KDM5A: variants seen among roughly 807,000 people sequenced by gnomAD.
KDM5A encodes the protein lysine demethylase 5A.
In KDM5A, 42 loss-of-function variants were observed where a neutral mutation model predicts 193.5. The ratio of observed to expected loss-of-function variants is 0.22; its 90% CI spans 0.17 to 0.28. KDM5A has a LOEUF of 0.28. Ranked by LOEUF, KDM5A falls within the 10% of genes least tolerant of loss-of-function variation. The probability of loss-of-function intolerance (pLI) is 1.00; values close to 1 mark genes in which losing one functional copy is unlikely to be tolerated. For missense variants in KDM5A, 1,692 were observed against 2,055.1 expected (o/e 0.82, Z 3.42); for synonymous variants, 796 against 718.1 (o/e 1.11, Z -1.73).
intron 5 of KDM5A, among the ~76,000 whole-genome samples, chr12:360,347 T>C (rs1431262080): frequency 6.6e-6 from 1 of 150,664 alleles, no homozygotes; most frequent in African/African-American, 2.4e-5. Flanking sequence ...ATGAGACAGC[T>C]AAGGAGAGTG....
chr12:314,857 A>C (rs899501469), intron 19 of KDM5A, among the ~76,000 whole-genome samples: 5 of 152,222 alleles, frequency 3.3e-5, no homozygotes, highest in African/African-American at 1.2e-4. Context: ...TGGAACATAG[A>C]ATACAAGAGG....
intron 13 of KDM5A, chr12:329,269 C>T: frequency 1.9e-6 from 1 of 539,178 alleles, no homozygotes; most frequent in Admixed American, 3.1e-5. Context: ...CTGGCCTAAA[C>T]TGCTAATTTT....
At chr12:375,185 C>G (rs1944486865) in intron 3 of KDM5A, among the ~76,000 whole-genome samples, 1 of 152,162 alleles carries the variant, frequency 6.6e-6, no homozygotes, top group Non-Finnish European at 1.5e-5. Flanking sequence ...CAGCTTGGTT[C>G]CATTCTCCCC....
intron 10 of KDM5A, among the ~76,000 whole-genome samples, chr12:334,729 T>C (rs1489362429): frequency 6.6e-6 from 1 of 152,226 alleles, no homozygotes; most frequent in Non-Finnish European, 1.5e-5. Flanking sequence ...TAATACAACA[T>C]CACTATTTCT....
intron 24 of KDM5A, among the ~76,000 whole-genome samples, chr12:301,618 C>A (rs948742145): frequency 6.6e-6 from 1 of 152,174 alleles, no homozygotes; most frequent in Admixed American, 6.5e-5. Context: ...AAAACCAGCA[C>A]AAGACAAGGA....
At chr12:366,357 T>C (rs962786785) in intron 3 of KDM5A, among the ~76,000 whole-genome samples, 7 of 152,202 alleles carry the variant, frequency 4.6e-5, no homozygotes, top group Non-Finnish European at 1.0e-4. Flanking sequence ...ATGAATACTC[T>C]GTACAGTACG....
intron 3 of KDM5A, among the ~76,000 whole-genome samples, chr12:379,472 C>CAT (rs1944548790): frequency 2.3e-5 from 1 of 42,736 alleles, no homozygotes; most frequent in South Asian, 1.2e-3. Context: ...AACAGGTGTA[C>CAT]ACATATGAAA....
intron 10 of KDM5A, among the ~76,000 whole-genome samples, chr12:350,304 C>T (rs1439868251): frequency 2.7e-5 from 4 of 150,570 alleles, no homozygotes; most frequent in Non-Finnish European, 3.0e-5. Flanking sequence ...GGCATAATAG[C>T]GGGTGCCTGT....
intron 13 of KDM5A, among the ~76,000 whole-genome samples, chr12:329,487 G>GA (rs138880121): frequency 1.0e-4 from 14 of 136,856 alleles, no homozygotes; most frequent in East Asian, 4.1e-4. Flanking sequence ...GTTATTAGAA[G>GA]AAAAAAAAAA....
chr12:300,329 C>CA (rs1216695168), intron 24 of KDM5A, among the ~76,000 whole-genome samples: 1 of 152,104 alleles, frequency 6.6e-6, no homozygotes, highest in Non-Finnish European at 1.5e-5. Flanking sequence ...TAATAACAAA[C>CA]AGTCTCTCAG....
chr12:295,686 G>A lies in KDM5A; in HGVS notation c.4342C>T (p.Leu1448Phe), dbSNP rs777181874. 6.8e-6 allele frequency: 11 copies of A among 1,614,004 alleles called. No homozygotes were observed. The highest frequency in any genetic ancestry group is 8.5e-6 in the Non-Finnish European group (10 of 1,180,012). The change falls in exon 26 of 28, where the codon CTT (leucine) becomes TTT (phenylalanine). Residue 1448 changes from leucine to phenylalanine, a missense_variant. Leu to Phe is a conservative substitution (Grantham distance 22). This residue lies in a region of KDM5A where 965 missense variants were observed against 1,061.0 expected (regional missense o/e 0.91). Transcript: ENST00000399788. ...TCCAGGAGATCTCCAACCATCATAA[G>A]TTCTTCCAGTTGTGCCTTAGCTCCA... Reference protein sequence around the residue: ...SPGAKAQLEELMMVGDLLEVS... With the variant: ...SPGAKAQLEEFMMVGDLLEVS...
chr12:378,692 C>T (rs1444480257), intron 3 of KDM5A, among the ~76,000 whole-genome samples: 2 of 152,234 alleles, frequency 1.3e-5, no homozygotes, highest in East Asian at 1.9e-4. Flanking sequence ...GGCACGGTGG[C>T]TCACGCCTGT....
In KDM5A at chr12:284,217, A is replaced by AAT. The variant is rs998513473; in HGVS notation, c.*1237_*1238dup. 8.9e-6 allele frequency: 2 copies of AAT among 224,186 alleles called. No homozygotes were observed. Among genetic ancestry groups the AAT allele is most frequent in the Non-Finnish European group, 1.8e-5 (2 of 112,458 alleles). 13.9% of individuals were successfully genotyped at this position (224,186 alleles called of 1,614,324 possible). A position where few individuals can be genotyped will look rare whatever the true frequency, so the allele number is the denominator to read the frequency against. On this transcript the variant is annotated 3_prime_UTR_variant, in exon 28 of 28. Transcript: ENST00000399788. ...CTGTCATATGCTGCTGGTAACAGTA[A>AAT]ATATATATATTTATATATTCATATA...
intron 10 of KDM5A, among the ~76,000 whole-genome samples, chr12:342,803 G>A (rs960028491): frequency 1.3e-4 from 19 of 151,946 alleles, no homozygotes; most frequent in African/African-American, 4.3e-4. Flanking sequence ...ACCTGGGGAG[G>A]GGCGTTCCAA....
chr12:330,575 TAC>T (rs776810980), intron 13 of KDM5A, among the ~76,000 whole-genome samples: 10 of 152,184 alleles, frequency 6.6e-5, no homozygotes, highest in Non-Finnish European at 1.3e-4. Flanking sequence ...TTTTCTACCC[TAC>T]ACCTAGCCAA....
intron 10 of KDM5A, among the ~76,000 whole-genome samples, chr12:350,055 G>C (rs1404103301): frequency 1.3e-5 from 2 of 152,102 alleles, no homozygotes; most frequent in Admixed American, 6.5e-5. Context: ...TTGAACCCGG[G>C]AGGTGGAGGT....
rs1319465821 is a variant in KDM5A, at chr12:305,981, T to TG, written c.4074+964_4074+965insC. Among the ~76,000 whole-genome samples, 48 of 149,006 alleles carry TG rather than the reference T, an allele frequency of 3.2e-4. 2 individuals are homozygous for TG. The highest frequency in any genetic ancestry group is 1.6e-3 in the East Asian group (8 of 5,040). Reference sequence around the variant, plus strand: ...TAGCAATGGAAGTGTTTTTTTTTTTTTTTTTTTTTTGAGACAAGGTCTTGT... The same window carrying TG: ...TAGCAATGGAAGTGTTTTTTTTTTTTGTTTTTTTTTTGAGACAAGGTCTTGT... On this transcript the variant is annotated intron_variant, in intron 24 of 27. Coordinates refer to ENST00000399788, the MANE Select transcript of KDM5A (RefSeq NM_001042603.3).
rs1204459624 is a variant in KDM5A at position 296,116 on chromosome 12, C to T, written c.4235-323G>A. Among the ~76,000 whole-genome samples, 10 of 151,988 alleles carry T rather than the reference C, an allele frequency of 6.6e-5. No homozygotes were observed. In the East Asian group the frequency reaches 1.5e-3, roughly 24 times the overall value. ...GGTGGATCACCTGAGGTCAGGAGTTCGAAACCAGCCTGACCAACATAGTGA... is the reference window on the plus strand; with the variant it reads ...GGTGGATCACCTGAGGTCAGGAGTTTGAAACCAGCCTGACCAACATAGTGA... On this transcript the variant is annotated intron_variant, in intron 25 of 27. Transcript: ENST00000399788.
chr12:352,103 CAAAAAAAA>C (rs58266653), intron 9 of KDM5A, 94 bp downstream of exon 9: 119 of 378,602 alleles, frequency 3.1e-4, no homozygotes, highest in Middle Eastern at 4.9e-4. Flanking sequence ...GACTCCGTCT[CAAAAAAAA>C]AAAAAAAAAA....
Sources: gnomAD v4.1 joint callset for allele counts (sites outside exome capture counted in the v4.1 genomes callset) on GRCh38, gnomAD v4.1.1 for gene constraint, gnomAD v4.1.1 regional missense constraint, MANE v1.5 for transcripts, NCBI Gene and HGNC (gene_info 2026-07-23, HGNC 2026-07-21) for gene names.